ASIP: variants seen among roughly 807,000 people sequenced by gnomAD.
The protein encoded by ASIP is agouti signaling protein, also known as agouti-signaling protein.
A neutral mutation model predicts 10.3 loss-of-function variants in ASIP; 11 were observed. The ratio of observed to expected loss-of-function variants is 1.07; its 90% CI spans 0.68 to 1.78. The LOEUF is 1.78. Ranked by LOEUF, ASIP falls within the 40% of genes most tolerant of loss-of-function variation. The probability of loss-of-function intolerance (pLI) is 0.00; values close to 1 mark genes in which losing one functional copy is unlikely to be tolerated. For synonymous variants in ASIP, 70 were observed against 70.8 expected (o/e 0.99, Z 0.06); for missense variants, 180 against 169.2 (o/e 1.06, Z -0.35).
chr20:34,216,624 G>A (rs537379924), intron 1 of ASIP, among the ~76,000 whole-genome samples: 6 of 152,294 alleles, frequency 3.9e-5, no homozygotes, highest in Admixed American at 3.9e-4. Context: ...ATAGGGGTTA[G>A]AGCTGTCTTT....
intron 1 of ASIP, among the ~76,000 whole-genome samples, chr20:34,219,849 G>A (rs1031729576): frequency 6.6e-6 from 1 of 152,188 alleles, no homozygotes; most frequent in Non-Finnish European, 1.5e-5. Context: ...CAGCACTTTG[G>A]GAGGCCGAGG....
intron 1 of ASIP, among the ~76,000 whole-genome samples, chr20:34,255,288 G>A (rs1462700279): frequency 6.6e-6 from 1 of 152,056 alleles, no homozygotes; most frequent in Non-Finnish European, 1.5e-5. Flanking sequence ...CTGTTCCTGG[G>A]TCTAACTTAA....
At chr20:34,204,039 T>C (rs967624252) in intron 1 of ASIP, among the ~76,000 whole-genome samples, 2 of 152,196 alleles carry the variant, frequency 1.3e-5, no homozygotes, top group African/African-American at 4.8e-5. Context: ...TGGCATATTT[T>C]AATGTTCATT....
chr20:34,202,477 A>C (rs2034906086), intron 1 of ASIP, among the ~76,000 whole-genome samples: 1 of 152,236 alleles, frequency 6.6e-6, no homozygotes, highest in African/African-American at 2.4e-5. Context: ...ATGGCAATGT[A>C]GTTCTGGCAA....
chr20:34,232,944 A>G (rs1179671696), intron 1 of ASIP, among the ~76,000 whole-genome samples: 3 of 152,172 alleles, frequency 2.0e-5, no homozygotes, highest in African/African-American at 7.2e-5. Context: ...CATAGAGAAC[A>G]TTAACTGTTC....
intron 1 of ASIP, among the ~76,000 whole-genome samples, chr20:34,207,578 G>C (rs1191368559): frequency 2.0e-5 from 3 of 152,040 alleles, no homozygotes; most frequent in Non-Finnish European, 4.4e-5. Flanking sequence ...TGCTTTTGAG[G>C]TCTTACTCAA....
chr20:34,197,593 C>T (rs1215193486), intron 1 of ASIP, among the ~76,000 whole-genome samples: 1 of 152,124 alleles, frequency 6.6e-6, no homozygotes, highest in Non-Finnish European at 1.5e-5. Flanking sequence ...AGTGGGTATC[C>T]GCTTATTTCA....
chr20:34,241,492 G>A lies in ASIP; in HGVS notation c.-11+3G>A. 1 of 985,456 alleles carries A rather than the reference G, an allele frequency of 1.0e-6. No individual in the cohort carries two copies. The highest frequency in any genetic ancestry group is 1.2e-6 in the Non-Finnish European group (1 of 829,948). The allele number at this position is 985,456 out of a possible 1,614,324, so 61.0% of individuals were successfully genotyped here. Reference sequence around the variant, plus strand: ...CTGGGCTCTTTGCGGGAAAGCATGTGAGTTTAGATGGCAACTTTAATCTGC... The same window carrying A: ...CTGGGCTCTTTGCGGGAAAGCATGTAAGTTTAGATGGCAACTTTAATCTGC... On this transcript the variant is annotated splice_donor_region_variant and intron_variant, in intron 1 of 3. Transcript: ENST00000374954.
intron 1 of ASIP, among the ~76,000 whole-genome samples, chr20:34,195,223 C>G (rs2034847571): frequency 6.6e-6 from 1 of 151,902 alleles, no homozygotes; most frequent in South Asian, 2.1e-4. Context: ...TACTGAGCTG[C>G]TCCTCATGGA....
At position 34,262,904 on chromosome 20, in the gene ASIP, G is replaced by C. The variant is rs752264573; in HGVS notation, c.222+11G>C. ...AAAAGATCTTCTAAGGTAAGGGCAG[G>C]GAAGTTCTGGGAGTTCTCATTGTTG... On this transcript the variant is annotated intron_variant, in intron 3 of 3. Transcript: ENST00000374954. 52 of 1,613,654 alleles carry C rather than the reference G, an allele frequency of 3.2e-5. No individual in the cohort carries two copies. In the South Asian group the frequency reaches 5.7e-4, roughly 18 times the overall value.
rs572320767 is a variant in ASIP at position 34,222,586 on chromosome 20, A to G, written c.-11+27826A>G. On this transcript the variant is annotated intron_variant, in intron 1 of 3. Coordinates refer to the ASIP transcript ENST00000568305. ...TGCAGATCTGAAGTGGGACCCAGGA[A>G]TCTTTAACAAGCTCTAAGGTAATGG... Among the ~76,000 whole-genome samples the G allele has an allele frequency of 1.4e-4, 21 of 152,270 alleles. No individual in the cohort carries two copies. The East Asian group carries it at 4.1e-3, about 29-fold the overall frequency.
intron 1 of ASIP, among the ~76,000 whole-genome samples, chr20:34,253,105 C>CT (rs915885806): frequency 0.013 from 1,889 of 149,500 alleles, 12 homozygotes; most frequent in Non-Finnish European, 0.019. Flanking sequence ...ATCTCTCTTT[C>CT]TTTTTTTTTT....
chr20:34,189,188 G>C, the ASIP span, among the ~76,000 whole-genome samples: 1 of 152,118 alleles, frequency 6.6e-6, no homozygotes, highest in Non-Finnish European at 1.5e-5. Flanking sequence ...GCAGAGCCAC[G>C]GTCTGGTGCC....
intron 1 of ASIP, among the ~76,000 whole-genome samples, chr20:34,206,355 C>T (rs12625272): frequency 6.6e-6 from 1 of 152,062 alleles, no homozygotes; most frequent in East Asian, 1.9e-4. Context: ...CCCTACTACC[C>T]TTCCCACCTT....
chr20:34,267,732 T>C lies in ASIP; in HGVS notation c.223-1259T>C, dbSNP rs1389241624. Among the ~76,000 whole-genome samples the C allele has an allele frequency of 2.0e-5, 3 of 152,070 alleles. No homozygotes were observed. In the East Asian group the frequency reaches 5.8e-4, roughly 29 times the overall value. On this transcript the variant is annotated intron_variant, in intron 3 of 3. Transcript: ENST00000374954. The stretch of plus-strand genomic sequence containing the variant: ...TTTTTAGTAGAGACGGGTTTCTCCA[T>C]GTCGGTCGGGCTGGTCCCAAACTCC...
chr20:34,200,948 T>TTTTCTTTC (rs1180213511), intron 1 of ASIP, among the ~76,000 whole-genome samples: 30 of 140,946 alleles, frequency 2.1e-4, no homozygotes, highest in African/African-American at 8.5e-4. Flanking sequence ...TCAAACTTGA[T>TTTTCTTTC]TTTCTTTCTT....
At chr20:34,241,627 G>C in intron 1 of ASIP, 138 bp downstream of exon 1, 1 of 743,938 alleles carries the variant, frequency 1.3e-6, no homozygotes, top group Non-Finnish European at 1.6e-6. Flanking sequence ...GTGGGTCAGA[G>C]TAGTTAAGAG....
At chr20:34,225,776 T>G (rs536154818) in intron 1 of ASIP, among the ~76,000 whole-genome samples, 2 of 152,210 alleles carry the variant, frequency 1.3e-5, no homozygotes, top group African/African-American at 2.4e-5. Context: ...TTATTTTATT[T>G]TTGTTGTTTT....
upstream of ASIP, among the ~76,000 whole-genome samples, chr20:34,194,140 T>C (rs1307111685): frequency 4.6e-5 from 7 of 152,184 alleles, no homozygotes; most frequent in Non-Finnish European, 1.5e-5. Context: ...TTATTTTTGA[T>C]AGTGGCTGCT....
Sources: gnomAD v4.1 joint callset for allele counts (sites outside exome capture counted in the v4.1 genomes callset) on GRCh38, gnomAD v4.1.1 for gene constraint, MANE v1.5 for transcripts, NCBI Gene and HGNC (gene_info 2026-07-23, HGNC 2026-07-21) for gene names.